Variants in PDGFD observed in about 807,000 individuals in gnomAD.
The protein encoded by PDGFD is platelet derived growth factor D.
A neutral mutation model predicts 44.7 loss-of-function variants in PDGFD; 30 were observed. The observed-to-expected ratio is 0.67, with a 90% CI of 0.50 to 0.91. PDGFD has a LOEUF of 0.91. PDGFD is among the 40% of genes least tolerant of loss of function. PDGFD has a pLI of 0.00. For synonymous variants in PDGFD, 173 were observed against 168.4 expected, an observed-to-expected ratio of 1.03 and a Z score of -0.21; for missense variants, 445 against 457.8, an observed-to-expected ratio of 0.97 and a Z score of 0.25.
chr11:103,925,013 T>G (rs1858283699), intron 6 of PDGFD, among the ~76,000 whole-genome samples: 1 of 152,110 alleles, frequency 6.6e-6, no homozygotes, highest in Non-Finnish European at 1.5e-5. Flanking sequence ...CTTCCCTGTG[T>G]CCCTGTGTTC....
chr11:103,933,404 A>C (rs1366176135), intron 5 of PDGFD, among the ~76,000 whole-genome samples: 1 of 152,230 alleles, frequency 6.6e-6, no homozygotes, highest in Non-Finnish European at 1.5e-5. Context: ...AAGTGCAAAT[A>C]AATCTGGAAA....
At chr11:103,966,193 T>C (rs1859017895) in intron 3 of PDGFD, among the ~76,000 whole-genome samples, 1 of 152,114 alleles carries the variant, frequency 6.6e-6, no homozygotes, top group Non-Finnish European at 1.5e-5. Context: ...AGAATGTGGG[T>C]GGAGGAAGAG....
chr11:104,012,434 T>A (rs1377673498), intron 1 of PDGFD, among the ~76,000 whole-genome samples: 5 of 152,260 alleles, frequency 3.3e-5, no homozygotes, highest in Non-Finnish European at 7.3e-5. Context: ...ATTATCATTT[T>A]ATTAAAAAGA....
intron 3 of PDGFD, among the ~76,000 whole-genome samples, chr11:103,958,250 C>T (rs1008126587): frequency 1.3e-5 from 2 of 152,114 alleles, no homozygotes; most frequent in African/African-American, 2.4e-5. Flanking sequence ...TACCTGAAAC[C>T]GTGGCTGAGT....
At chr11:104,060,492 G>C (rs1860696924) in intron 1 of PDGFD, among the ~76,000 whole-genome samples, 1 of 152,182 alleles carries the variant, frequency 6.6e-6, no homozygotes, top group African/African-American at 2.4e-5. Flanking sequence ...GGGTTGGGAA[G>C]GGTTGAAAGG....
intron 1 of PDGFD, among the ~76,000 whole-genome samples, chr11:104,145,887 T>C (rs1862155631): frequency 6.6e-6 from 1 of 152,174 alleles, no homozygotes; most frequent in Non-Finnish European, 1.5e-5. Context: ...AGAGATCTCT[T>C]TCCTTCCACA....
intron 6 of PDGFD, among the ~76,000 whole-genome samples, chr11:103,918,764 T>C (rs937639220): frequency 9.2e-5 from 14 of 152,320 alleles, no homozygotes; most frequent in African/African-American, 3.1e-4. Flanking sequence ...ACAGCACTGA[T>C]GTTCAAAGCT....
Position 104,019,949 on chromosome 11 carries a change from G to T in PDGFD, c.125-19694C>A, listed in dbSNP as rs992969270. On this transcript the variant is annotated intron_variant, in intron 1 of 6. Coordinates refer to ENST00000393158, the MANE Select transcript of PDGFD (RefSeq NM_025208.5). ...GTGATAACATTAACATCTCCATGGG[G>T]CTGCGATAAGCACCAAAAATAAAAA... is the stretch of plus-strand genomic sequence containing the variant. Among the ~76,000 whole-genome samples, 63 of 152,106 alleles carry T rather than the reference G, an allele frequency of 4.1e-4. 1 individual carries two copies. The highest frequency in any genetic ancestry group is 1.5e-3 in the African/African-American group (61 of 41,476).
chr11:104,076,421 A>G (rs1209650865), intron 1 of PDGFD, among the ~76,000 whole-genome samples: 1 of 152,220 alleles, frequency 6.6e-6, no homozygotes, highest in Non-Finnish European at 1.5e-5. Flanking sequence ...TCATTAGAGG[A>G]CAGAGTAGTG....
intron 1 of PDGFD, among the ~76,000 whole-genome samples, chr11:104,118,604 C>T (rs1320105443): frequency 6.7e-6 from 1 of 149,896 alleles, no homozygotes; most frequent in Non-Finnish European, 1.5e-5. Flanking sequence ...CCTTGCCTTG[C>T]TCTTCATTTT....
intron 1 of PDGFD, among the ~76,000 whole-genome samples, chr11:104,113,468 A>G (rs555771690): frequency 3.9e-5 from 6 of 152,134 alleles, no homozygotes; most frequent in Non-Finnish European, 5.9e-5. Context: ...GCACTGAATA[A>G]TATTCCATTG....
At chr11:104,031,814 T>C (rs1293831360) in intron 1 of PDGFD, among the ~76,000 whole-genome samples, 1 of 151,984 alleles carries the variant, frequency 6.6e-6, no homozygotes, top group African/African-American at 2.4e-5. Context: ...TATGCAGCCA[T>C]AAAAAAGAAT....
At chr11:104,103,261 C>T (rs140871840) in intron 1 of PDGFD, among the ~76,000 whole-genome samples, 2 of 152,000 alleles carry the variant, frequency 1.3e-5, no homozygotes, top group East Asian at 3.9e-4. Context: ...ACTACAAGGG[C>T]TATCTAAATG....
At position 104,037,281 on chromosome 11, in the gene PDGFD, C is replaced by A. The variant is rs1178904101; in HGVS notation, c.125-37026G>T. 1.2e-6 allele frequency: 2 copies of A among 1,613,182 alleles called. No homozygotes were observed. The highest frequency in any genetic ancestry group is 1.7e-6 in the Non-Finnish European group (2 of 1,179,424). ...TGATCCGCAGCATGCTGCTCTCCAA[C>A]CCCCACGATCTGTCCCTGCTCAAGG... On this transcript the variant is annotated intron_variant, in intron 1 of 6. Coordinates refer to ENST00000393158, the MANE Select transcript of PDGFD (RefSeq NM_025208.5).
intron 1 of PDGFD, among the ~76,000 whole-genome samples, chr11:104,015,483 AAAAT>A (rs1179836058): frequency 6.6e-6 from 1 of 152,226 alleles, no homozygotes; most frequent in Admixed American, 6.5e-5. Context: ...AGAAAAAAGA[AAAAT>A]AAACACAGCA....
chr11:104,086,742 A>G lies in PDGFD; in HGVS notation c.124+77062T>C, dbSNP rs375276222. Reference sequence around the variant, plus strand: ...GCTCAATTCCCTTAGAGCATAATACATAAACAAAATTATTTTACTGAAGTG... The same window carrying G: ...GCTCAATTCCCTTAGAGCATAATACGTAAACAAAATTATTTTACTGAAGTG... On this transcript the variant is annotated intron_variant, in intron 1 of 6. Coordinates refer to ENST00000393158, the MANE Select transcript of PDGFD (RefSeq NM_025208.5). Among the ~76,000 whole-genome samples, 8 of 152,210 alleles carry G rather than the reference A, an allele frequency of 5.3e-5. 1 individual carries two copies. The highest frequency in any genetic ancestry group is 5.2e-4 in the Admixed American group (8 of 15,270).
rs540401056 is a variant in PDGFD at position 103,968,388 on chromosome 11, G to T, written c.511-20664C>A. Among the ~76,000 whole-genome samples, 6 of 152,228 alleles carry T rather than the reference G, an allele frequency of 3.9e-5. No homozygotes were observed. The South Asian group carries it at 1.2e-3, about 32-fold the overall frequency. ...TCTGGCCATCTCCTACGGGACGTCT[G>T]ATAAGCTCCTTAAACTCAACAGGTC... On this transcript the variant is annotated intron_variant, in intron 3 of 6. Coordinates refer to ENST00000393158, the MANE Select transcript of PDGFD (RefSeq NM_025208.5).
Position 104,071,912 on chromosome 11 carries a change from C to A in PDGFD, c.125-71657G>T, listed in dbSNP as rs551452115. 2.2e-3 allele frequency among the ~76,000 whole-genome samples: 339 copies of A among 151,770 alleles called. 2 individuals carry two copies. The highest frequency in any genetic ancestry group is 7.9e-3 in the African/African-American group (328 of 41,468). Reference sequence around the variant, plus strand: ...TATTCCACGTGTACTGAGTCTATTTCTAGACTTTCTATTCTATTCCACTAG... The same window carrying A: ...TATTCCACGTGTACTGAGTCTATTTATAGACTTTCTATTCTATTCCACTAG... On this transcript the variant is annotated intron_variant, in intron 1 of 6. Coordinates refer to ENST00000393158, the MANE Select transcript of PDGFD (RefSeq NM_025208.5).
intron 3 of PDGFD, among the ~76,000 whole-genome samples, chr11:103,981,025 G>A (rs1475384450): frequency 3.3e-5 from 5 of 151,834 alleles, no homozygotes; most frequent in Non-Finnish European, 5.9e-5. Flanking sequence ...GCTATGTTTC[G>A]AATGACTGTC....
Sources: gnomAD v4.1 joint callset for allele counts (sites outside exome capture counted in the v4.1 genomes callset) on GRCh38, gnomAD v4.1.1 for gene constraint, MANE v1.5 for transcripts, NCBI Gene and HGNC (gene_info 2026-07-23, HGNC 2026-07-21) for gene names.